TRIO: variants seen among roughly 807,000 people sequenced by gnomAD.
TRIO encodes triple functional domain protein.
A neutral mutation model predicts 351.9 loss-of-function variants in TRIO; 58 were observed. That is an observed-to-expected ratio of 0.16 (90% CI 0.13 to 0.21). TRIO has a LOEUF of 0.21. Ranked by LOEUF, TRIO falls within the 10% of genes least tolerant of loss-of-function variation. TRIO has a pLI of 1.00. For synonymous variants in TRIO, 1,758 were observed against 1,595.7 expected (o/e 1.10, Z -2.42); for missense variants, 3,201 against 4,027.8 (o/e 0.79, Z 5.56).
intron 1 of TRIO, among the ~76,000 whole-genome samples, chr5:14,215,024 G>C (rs541727232): frequency 4.7e-4 from 71 of 152,286 alleles, no homozygotes; most frequent in Non-Finnish European, 9.6e-4. Context: ...AATCTTTTCT[G>C]TATTTGGTGT....
Position 14,265,796 on chromosome 5 carries a change from A to C in TRIO, c.158-5029A>C, listed in dbSNP as rs180890644. Among the ~76,000 whole-genome samples, 572 of 152,336 alleles carry C rather than the reference A, an allele frequency of 3.8e-3. 4 individuals are homozygous for C. The highest frequency in any genetic ancestry group is 0.013 in the African/African-American group (541 of 41,562). On this transcript the variant is annotated intron_variant, in intron 1 of 56. Transcript: ENST00000344204. ...AGTTGAAGTTCCAGACTGTTGATTCAGTGGAAAGATATTTCACTGTTGAAT... is the reference window on the plus strand; with the variant it reads ...AGTTGAAGTTCCAGACTGTTGATTCCGTGGAAAGATATTTCACTGTTGAAT...
chr5:14,461,743 A>G (rs1282627256), intron 35 of TRIO, among the ~76,000 whole-genome samples: 1 of 152,236 alleles, frequency 6.6e-6, no homozygotes, highest in Non-Finnish European at 1.5e-5. Flanking sequence ...GAGAAAGCTC[A>G]AATTGGAAAT....
intron 1 of TRIO, among the ~76,000 whole-genome samples, chr5:14,270,333 C>G (rs542651725): frequency 1.3e-5 from 2 of 152,292 alleles, no homozygotes; most frequent in East Asian, 3.9e-4. Flanking sequence ...TATTTATAAT[C>G]CCCTCTCTCC....
intron 1 of TRIO, among the ~76,000 whole-genome samples, chr5:14,265,882 A>G (rs1029651266): frequency 8.5e-5 from 13 of 152,212 alleles, no homozygotes; most frequent in African/African-American, 2.9e-4. Context: ...TTATGAATAT[A>G]AATCATACTA....
At chr5:14,197,686 G>C (rs917234701) in intron 1 of TRIO, among the ~76,000 whole-genome samples, 2 of 152,226 alleles carry the variant, frequency 1.3e-5, no homozygotes, top group Non-Finnish European at 2.9e-5. Flanking sequence ...TCCTGGGTCA[G>C]ACAGAGGACT....
chr5:14,261,646 G>A (rs76784715), intron 1 of TRIO, among the ~76,000 whole-genome samples: 2 of 152,104 alleles, frequency 1.3e-5, no homozygotes, highest in South Asian at 4.1e-4. Flanking sequence ...GAGCTGTGAG[G>A]CTCTGTGTTT....
At chr5:14,144,443 C>G (rs1051504984) in intron 1 of TRIO, among the ~76,000 whole-genome samples, 3 of 152,220 alleles carry the variant, frequency 2.0e-5, no homozygotes, top group Non-Finnish European at 2.9e-5. Context: ...TTGGTCTACA[C>G]TTCTGTGAAA....
chr5:14,411,203 C>G (rs1252016556), intron 33 of TRIO, among the ~76,000 whole-genome samples: 2 of 152,204 alleles, frequency 1.3e-5, no homozygotes, highest in Non-Finnish European at 2.9e-5. Flanking sequence ...CTTATTATTT[C>G]ATGCAAGAGC....
rs1461444156 is a variant in TRIO, at chr5:14,397,045, G to A, written c.4314G>A (p.Glu1438=). The change falls in exon 29 of 57, where the codon GAG becomes GAA. Residue 1438 remains glutamate (E), a splice_region_variant and synonymous_variant. Coordinates refer to ENST00000344204, the MANE Select transcript of TRIO (RefSeq NM_007118.4). ...GTTTCTGTTGTTTATCTTTGCAGGA[G>A]CTGCTGACGTGCTGTGAGGAAGGAA... ...RITKYQLLLK[E]LLTCCEEGKG... is the part of the protein sequence containing the mutation. 7 of 1,601,078 alleles carry A rather than the reference G, an allele frequency of 4.4e-6. No individual in the cohort carries two copies. The highest frequency in any genetic ancestry group is 6.0e-6 in the Non-Finnish European group (7 of 1,174,858).
At chr5:14,205,402 T>C (rs191283759) in intron 1 of TRIO, among the ~76,000 whole-genome samples, 1 of 152,328 alleles carries the variant, frequency 6.6e-6, no homozygotes, top group Admixed American at 6.5e-5. Flanking sequence ...CAGTGAACAG[T>C]AGTTCCTCAG....
intron 1 of TRIO, among the ~76,000 whole-genome samples, chr5:14,223,387 C>G (rs1319629970): frequency 6.6e-6 from 1 of 152,174 alleles, no homozygotes; most frequent in African/African-American, 2.4e-5. Context: ...CACAGCAGAT[C>G]TCAGCGTGCA....
intron 1 of TRIO, among the ~76,000 whole-genome samples, chr5:14,182,099 ATT>A (rs61476674): frequency 0.8 from 120,926 of 150,792 alleles, 49,014 homozygotes; most frequent in East Asian, 0.99. Context: ...TTTGAAGGGC[ATT>A]TTTTTTTTTT....
At chr5:14,483,518 C>G (rs1284687974) in intron 46 of TRIO, among the ~76,000 whole-genome samples, 1 of 152,184 alleles carries the variant, frequency 6.6e-6, no homozygotes, top group African/African-American at 2.4e-5. Flanking sequence ...CACCTGCGGG[C>G]CTCACAGCAC....
At chr5:14,383,955 G>A (rs1159015630) in intron 21 of TRIO, among the ~76,000 whole-genome samples, 1 of 152,174 alleles carries the variant, frequency 6.6e-6, no homozygotes, top group Non-Finnish European at 1.5e-5. Context: ...AGTGTTGATG[G>A]AAATGAAGCT....
At position 14,290,870 on chromosome 5, in the gene TRIO, C is replaced by T; in HGVS notation, c.695C>T (p.Ser232Phe). The change falls in exon 5 of 57, where the codon TCT becomes TTT. Residue 232 changes from serine (S) to phenylalanine (F), a missense_variant. Physicochemically the swap from Ser to Phe is radical, Grantham distance 155. Coordinates refer to ENST00000344204, the MANE Select transcript of TRIO (RefSeq NM_007118.4). ...DYISNATHML[S>F]RLEELQDILA... ...ATTAGCAATGCCACCCACATGCTGT[C>T]TCGGCTGGAGGAACTTCAGGACATC... The T allele has an allele frequency of 6.2e-7, 1 of 1,614,142 alleles. No individual in the cohort carries two copies. Among genetic ancestry groups the T allele is most frequent in the African/African-American group, 1.3e-5 (1 of 75,032 alleles).
In TRIO at chr5:14,323,519, C is replaced by A. The variant is rs78609797; in HGVS notation, c.1731+6776C>A. Among the ~76,000 whole-genome samples the A allele has an allele frequency of 2.0e-4, 7 of 35,118 alleles. No individual in the cohort carries two copies. The East Asian group carries it at 2.4e-3, about 12-fold the overall frequency. 23.0% of individuals were successfully genotyped at this position (35,118 alleles called of 152,430 possible). On this transcript the variant is annotated intron_variant, in intron 9 of 56. Transcript: ENST00000344204. ...ATGAAGGAAAACAGCCACTTAAGAA[C>A]AGAGAGAGAGAGGAGTTTAGTCCTT...
intron 33 of TRIO, among the ~76,000 whole-genome samples, chr5:14,411,529 T>TGGAACCCCCTTCCCTTCCA (rs535369821): frequency 0.015 from 2,216 of 152,296 alleles, 51 homozygotes; most frequent in African/African-American, 0.05. Flanking sequence ...ACTGATAACT[T>TGGAACCCCCTTCCCTTCCA]CATGTGGAAC....
chr5:14,351,885 G>T (rs1439277928), intron 11 of TRIO, among the ~76,000 whole-genome samples: 1 of 152,214 alleles, frequency 6.6e-6, no homozygotes, highest in Non-Finnish European at 1.5e-5. Context: ...CTTAACTGGA[G>T]GCTTGGTCCT....
intron 18 of TRIO, among the ~76,000 whole-genome samples, chr5:14,372,540 T>C (rs1745211176): frequency 6.6e-6 from 1 of 152,208 alleles, no homozygotes; most frequent in Admixed American, 6.5e-5. Flanking sequence ...TTGGCCTCGA[T>C]TAGCTAGAAT....
Sources: allele counts gnomAD v4.1 joint callset (sites outside exome capture counted in the v4.1 genomes callset), GRCh38; gene constraint gnomAD v4.1.1; transcripts MANE v1.5; gene names NCBI Gene and HGNC (gene_info 2026-07-23, HGNC 2026-07-21).